Variants in LETMD1 observed in about 807,000 individuals in gnomAD.
LETMD1 encodes LETM1 domain containing 1.
A neutral mutation model predicts 43.9 loss-of-function variants in LETMD1; 30 were observed. That is an observed-to-expected ratio of 0.68 (90% CI 0.51 to 0.93). The LOEUF is 0.93. Among genes scored for constraint, LETMD1 ranks in the 40% least tolerant of loss-of-function variants. The probability of loss-of-function intolerance (pLI) is 0.00; values close to 1 mark genes in which losing one functional copy is unlikely to be tolerated. For missense variants in LETMD1, 413 were observed against 447.7 expected, an observed-to-expected ratio of 0.92 and a Z score of 0.70; for synonymous variants, 176 against 163.1, an observed-to-expected ratio of 1.08 and a Z score of -0.60.
chr12:51,055,934 C>T lies in LETMD1; in HGVS notation c.573C>T (p.His191=). The T allele has an allele frequency of 1.2e-6, 2 of 1,613,888 alleles. No individual in the cohort carries two copies. Among genetic ancestry groups the T allele is most frequent in the East Asian group, 2.2e-5 (1 of 44,884 alleles). Residue 191 remains histidine (H), a synonymous_variant, in exon 5 of 9, where the codon CAC becomes CAT. Transcript: ENST00000262055. ...ATCATGCTTTCCGGAAGCAGTCCCA[C>T]CCAGAAATTATTAGTTATTTAGAAA... ...DIYHAFRKQS[H]PEIISYLEKV... is the part of the protein sequence containing the mutation.
At chr12:51,061,230 A>C (rs186392323), downstream of LETMD1, 9 of 152,728 alleles carry the variant, frequency 5.9e-5, no homozygotes, top group East Asian at 1.3e-3. Flanking sequence ...CTTTAATATT[A>C]CATTTAAATA....
intron 2 of LETMD1, among the ~76,000 whole-genome samples, chr12:51,051,181 G>A (rs1269350881): frequency 4.0e-5 from 6 of 151,878 alleles, no homozygotes; most frequent in Admixed American, 2.0e-4. Context: ...CAAGGCGGGC[G>A]GATCATGAGG....
In LETMD1 at chr12:51,052,178, C is replaced by T; in HGVS notation, c.361C>T (p.Pro121Ser). The change falls in exon 3 of 9, where the codon CCA (proline) becomes TCA (serine). Residue 121 changes from proline (P) to serine (S), a missense_variant. Transcript: ENST00000262055. ...GCACAATATAAAGTTTCATCAACTT[C>T]CATACCGGGAGATGGAGCATTTGAG... ...WKHNIKFHQL[P>S]YREMEHLRQF... The T allele has an allele frequency of 6.2e-7, 1 of 1,613,998 alleles. No homozygotes were observed. The highest frequency in any genetic ancestry group is 8.5e-7 in the Non-Finnish European group (1 of 1,179,868).
At chr12:51,065,617 C>T in the LETMD1 span, among the ~76,000 whole-genome samples, 1 of 152,002 alleles carries the variant, frequency 6.6e-6, no homozygotes, top group African/African-American at 2.4e-5. Context: ...GCCACCGCGC[C>T]CGGCCCTAAT....
At chr12:51,057,353 T>A (rs1301293766) in intron 7 of LETMD1, 1 of 152,414 alleles carries the variant, frequency 6.6e-6, no homozygotes, top group Non-Finnish European at 1.5e-5. Context: ...CGCCTTGGCC[T>A]TTCAAAGTGT....
At chr12:51,063,602 C>T (rs886922620), downstream of LETMD1, 7 of 641,920 alleles carry the variant, frequency 1.1e-5, no homozygotes, top group South Asian at 2.9e-5. Context: ...AATACTCAAA[C>T]AATCCTTTCC....
chr12:51,066,409 C>T, the LETMD1 span, among the ~76,000 whole-genome samples: 1,704 of 149,796 alleles, frequency 0.011, 34 homozygotes, highest in African/African-American at 0.038. Context: ...GCCGAGATCA[C>T]GCGCTACGGC....
intron 1 of LETMD1, chr12:51,048,691 C>T: frequency 1.6e-6 from 1 of 643,818 alleles, no homozygotes; most frequent in South Asian, 2.0e-5. Context: ...GGTTTCCCCG[C>T]GTGTCCTGAG....
the LETMD1 span, chr12:51,068,094 A>C: frequency 1.2e-6 from 1 of 828,998 alleles, no homozygotes; most frequent in Non-Finnish European, 1.9e-6. Flanking sequence ...GCTGTCCAAA[A>C]TGATGGCAGC....
downstream of LETMD1, chr12:51,063,493 A>G (rs1262588378): frequency 2.5e-5 from 7 of 276,166 alleles, no homozygotes; most frequent in African/African-American, 8.7e-5. Flanking sequence ...CCAGTGGCCC[A>G]GAAAGCTTAA....
chr12:51,057,982 C>A, intron 7 of LETMD1, 50 bp from the exon 8 acceptor site: 1 of 1,128,586 alleles, frequency 8.9e-7, no homozygotes, highest in Non-Finnish European at 1.4e-6. Flanking sequence ...ATTTCCTTGG[C>A]ATAATCATTC....
intron 2 of LETMD1, 96 bp downstream of exon 2, chr12:51,049,281 G>C: frequency 9.4e-7 from 1 of 1,066,324 alleles, no homozygotes; most frequent in Non-Finnish European, 1.4e-6. Context: ...CTGCTATGGG[G>C]ATGTGAGCCG....
intron 3 of LETMD1, 129 bp downstream of exon 3, chr12:51,052,336 A>G (rs1203397932): frequency 9.5e-7 from 1 of 1,057,366 alleles, no homozygotes; most frequent in Non-Finnish European, 1.3e-6. Flanking sequence ...TGAGAACAAA[A>G]TATTGAACTG....
downstream of LETMD1, chr12:51,062,502 T>G (rs973724388): frequency 2.0e-5 from 3 of 152,238 alleles, no homozygotes; most frequent in Non-Finnish European, 4.4e-5. Context: ...TCAAACTGAA[T>G]GAGTTCCATT....
chr12:51,059,522 T>C lies in LETMD1; in HGVS notation c.*91T>C. ...ACTTGCCAGCAAAGTCTGTGTGTAC[T>C]GTTAAGTGTGTGGGAGGCAGAGAGA... On this transcript the variant is annotated 3_prime_UTR_variant, in exon 9 of 9. Transcript: ENST00000262055. The C allele has an allele frequency of 8.8e-7, 1 of 1,132,454 alleles. No homozygotes were observed. The highest frequency in any genetic ancestry group is 1.3e-5 in the South Asian group (1 of 79,716). 70.2% of individuals were successfully genotyped at this position (1,132,454 alleles called of 1,614,324 possible).
chr12:51,067,849 G>A, the LETMD1 span: 4 of 1,614,108 alleles, frequency 2.5e-6, no homozygotes, highest in South Asian at 3.3e-5. This position sits in a 1 kb window ranked among gnomAD's most constrained non-coding sequence, Gnocchi z 4.1. Flanking sequence ...TTGGTGGGCA[G>A]AGGCTGCAGG....
At chr12:51,058,407 CTTTATTTATTTA>C (rs576867748) in intron 8 of LETMD1, 1 of 365,098 alleles carries the variant, frequency 2.7e-6, no homozygotes, top group Non-Finnish European at 4.9e-6. Flanking sequence ...ATATCCTGTG[CTTTATTTATTTA>C]TTTATTTATT....
chr12:51,049,083 T>G lies in LETMD1; in HGVS notation c.172T>G (p.Ser58Ala), dbSNP rs770036727. The G allele has an allele frequency of 2.0e-5, 33 of 1,613,994 alleles. No individual in the cohort carries two copies. The highest frequency in any genetic ancestry group is 1.6e-4 in the Middle Eastern group (1 of 6,084). Reference sequence around the variant, plus strand: ...AAAGGCAGATGTGAAGAACTTGATGTCTTATGTGGTAACCAAGACAAAAGC... The same window carrying G: ...AAAGGCAGATGTGAAGAACTTGATGGCTTATGTGGTAACCAAGACAAAAGC... ...SPKADVKNLM[S>A]YVVTKTKAIN... The change falls in exon 2 of 9, where the codon TCT becomes GCT. Residue 58 changes from serine to alanine, a missense_variant. Physicochemically the swap from Ser to Ala is moderately conservative, Grantham distance 99. Transcript: ENST00000262055.
downstream of LETMD1, among the ~76,000 whole-genome samples, chr12:51,065,238 T>C (rs965906283): frequency 6.6e-6 from 1 of 152,188 alleles, no homozygotes; most frequent in Non-Finnish European, 1.5e-5. Flanking sequence ...GTGGCCAATT[T>C]TTTAGCTACC....
Sources: allele counts gnomAD v4.1 joint callset (sites outside exome capture counted in the v4.1 genomes callset), GRCh38; gene constraint gnomAD v4.1.1; non-coding constraint Gnocchi (gnomAD v3.1); transcripts MANE v1.5; gene names NCBI Gene and HGNC (gene_info 2026-07-23, HGNC 2026-07-21).